The following DNAH9 variants were observed in gnomAD, a reference collection of about 807,000 sequenced individuals.
DNAH9 encodes the protein dynein axonemal heavy chain 9, also known as DNAH9 variant protein.
DNAH9 carries 345 observed loss-of-function variants against 471.6 expected under a neutral mutation model. The observed-to-expected ratio is 0.73, with a 90% CI of 0.67 to 0.80. The LOEUF (loss-of-function observed/expected upper bound fraction) is 0.80. DNAH9 is among the 30% of genes least tolerant of loss of function. The pLI is 0.00. For missense variants in DNAH9, 5,407 were observed against 5,609.2 expected (o/e 0.96, Z 1.15); for synonymous variants, 2,093 against 2,123.6 (o/e 0.99, Z 0.40).
chr17:11,849,099 G>A (rs796215196), intron 49 of DNAH9, among the ~76,000 whole-genome samples: 16 of 152,294 alleles, frequency 1.1e-4, no homozygotes, highest in African/African-American at 3.9e-4. Context: ...GCCTCCCAAA[G>A]TGCTGGCATT....
intron 45 of DNAH9, among the ~76,000 whole-genome samples, chr17:11,816,768 A>AATAGTCTGGCTTCCAAACT (rs1970114809): frequency 6.6e-6 from 1 of 152,248 alleles, no homozygotes; most frequent in South Asian, 2.1e-4. Context: ...GAAGATGGTG[A>AATAGTCTGGCTTCCAAACT]ATAGTCTGGC....
At chr17:11,724,229 A>C (rs571585910) in intron 27 of DNAH9, among the ~76,000 whole-genome samples, 1 of 152,268 alleles carries the variant, frequency 6.6e-6, no homozygotes, top group Non-Finnish European at 1.5e-5. Flanking sequence ...TTTGAAATAT[A>C]AAATAAATGA....
intron 6 of DNAH9, among the ~76,000 whole-genome samples, chr17:11,622,769 C>A (rs1254591062): frequency 6.6e-6 from 1 of 152,172 alleles, no homozygotes; most frequent in Admixed American, 6.5e-5. Context: ...TAAGTCCTTT[C>A]TCAGGCTGCT....
chr17:11,820,558 A>G (rs934349713), intron 45 of DNAH9, among the ~76,000 whole-genome samples: 1 of 152,192 alleles, frequency 6.6e-6, no homozygotes, highest in Admixed American at 6.5e-5. Context: ...TGAAGCATCT[A>G]TTAATATATT....
chr17:11,918,238 TTGTTTTG>T lies in DNAH9; in HGVS notation c.11750-5574_11750-5568del, dbSNP rs1435132160. Among the ~76,000 whole-genome samples the T allele has an allele frequency of 4.0e-3, 579 of 144,436 alleles. 7 individuals carry two copies. Among genetic ancestry groups the T allele is most frequent in the African/African-American group, 0.014 (539 of 38,790 alleles). The allele number at this position is 144,436 out of a possible 152,430, so 94.8% of individuals were successfully genotyped here. Reference sequence around the variant, plus strand: ...TTGTTTTGTTTTGTTTTGTTTTGTTTTGTTTTGTTTTGAGACAGGCTCTCACTGTGTT... The same window carrying T: ...TTGTTTTGTTTTGTTTTGTTTTGTTTTTTTGAGACAGGCTCTCACTGTGTT... On this transcript the variant is annotated intron_variant, in intron 61 of 68. Coordinates refer to ENST00000262442, the MANE Select transcript of DNAH9 (RefSeq NM_001372.4).
At chr17:11,920,631 A>G (rs12451386) in intron 61 of DNAH9, among the ~76,000 whole-genome samples, 11 of 148,448 alleles carry the variant, frequency 7.4e-5, no homozygotes, top group South Asian at 4.2e-4. Context: ...AAAAAAAAAA[A>G]AAAAGAAAAG....
At chr17:11,903,175 C>T (rs1391443671) in intron 60 of DNAH9, among the ~76,000 whole-genome samples, 1 of 152,080 alleles carries the variant, frequency 6.6e-6, no homozygotes, top group Non-Finnish European at 1.5e-5. Context: ...CCCGTCTCTA[C>T]TGAAAATACA....
intron 67 of DNAH9, among the ~76,000 whole-genome samples, chr17:11,954,791 GAGAGAA>G (rs1975556223): frequency 1.9e-5 from 2 of 102,644 alleles, no homozygotes; most frequent in Non-Finnish European, 4.4e-5. Context: ...AAAAAAAAGA[GAGAGAA>G]AGAAATTTCT....
intron 62 of DNAH9, 33 bp downstream of exon 62, chr17:11,923,974 G>T: frequency 1.2e-6 from 2 of 1,608,096 alleles, no homozygotes; most frequent in South Asian, 2.2e-5. Context: ...GGGTTATCTT[G>T]ACCCATACTT....
intron 14 of DNAH9, among the ~76,000 whole-genome samples, chr17:11,663,008 G>A (rs561938698): frequency 6.6e-6 from 1 of 151,696 alleles, no homozygotes; most frequent in East Asian, 2.0e-4. Context: ...GCCCGCCTCG[G>A]CCTCCCAAAG....
At chr17:11,841,978 T>G (rs1567840599) in intron 49 of DNAH9, among the ~76,000 whole-genome samples, 2 of 151,730 alleles carry the variant, frequency 1.3e-5, no homozygotes, top group Non-Finnish European at 2.9e-5. Context: ...TTTCCTTCCT[T>G]CCTTTCTTTT....
chr17:11,768,872 G>A (rs1968080624), intron 37 of DNAH9, among the ~76,000 whole-genome samples: 1 of 152,142 alleles, frequency 6.6e-6, no homozygotes, highest in Non-Finnish European at 1.5e-5. Flanking sequence ...GCATTAGAGA[G>A]GCCACAGAGA....
At chr17:11,904,630 CAAAAAAAAAAA>C (rs202059757) in intron 60 of DNAH9, among the ~76,000 whole-genome samples, 2 of 111,490 alleles carry the variant, frequency 1.8e-5, no homozygotes, top group Non-Finnish European at 3.3e-5. Context: ...GACTCCATCT[CAAAAAAAAAAA>C]AAAAAAAAAA....
intron 65 of DNAH9, among the ~76,000 whole-genome samples, chr17:11,935,934 CA>C (rs1974698592): frequency 6.6e-6 from 1 of 152,086 alleles, no homozygotes; most frequent in South Asian, 2.1e-4. Context: ...TCACCAAAGG[CA>C]AAAAGGCTTT....
chr17:11,783,356 T>G (rs1367159865), intron 39 of DNAH9, among the ~76,000 whole-genome samples: 1 of 152,200 alleles, frequency 6.6e-6, no homozygotes, highest in Non-Finnish European at 1.5e-5. Context: ...CACTCTCTTC[T>G]TTTGAGAACA....
chr17:11,842,883 C>T lies in DNAH9; in HGVS notation c.9507+7985C>T, dbSNP rs548070092. On this transcript the variant is annotated intron_variant, in intron 49 of 68. Transcript: ENST00000262442. ...ACACCCTCACAGACACACCCAGGAA[C>T]AATACTTTGCACCCTTCAATCCAAT... 3.6e-4 allele frequency among the ~76,000 whole-genome samples: 55 copies of T among 152,320 alleles called. No individual in the cohort carries two copies. In the South Asian group the frequency reaches 9.7e-3, roughly 27 times the overall value.
Position 11,769,264 on chromosome 17 carries a change from A to G in DNAH9, c.7487A>G (p.Asp2496Gly), listed in dbSNP as rs1968100417. The G allele has an allele frequency of 1.2e-6, 2 of 1,613,780 alleles. No homozygotes were observed. Among genetic ancestry groups the G allele is most frequent in the Non-Finnish European group, 1.7e-6 (2 of 1,179,986 alleles). Residue 2496 changes from aspartate to glycine, a missense_variant, in exon 38 of 69, where the codon GAC becomes GGC. Physicochemically the swap from Asp to Gly is moderately conservative, Grantham distance 94 (BLOSUM62 -1). Around this residue, in one of 3 missense-constraint regions of DNAH9, gnomAD observed 4,636 missense variants for 4,900.3 expected, o/e 0.95. Transcript: ENST00000262442. ...GTGGGAGCTAAGCTGGCCAGCCTTG[A>G]CCCCGAGGCATACCTGGTGAAAAAC... ...VLVGAKLASL[D>G]PEAYLVKNVP...
At chr17:11,655,411 A>G (rs2073620291) in intron 14 of DNAH9, among the ~76,000 whole-genome samples, 1 of 151,596 alleles carries the variant, frequency 6.6e-6, no homozygotes, top group Non-Finnish European at 1.5e-5. Context: ...ATAAAAATTT[A>G]GAGAAAAAGA....
At position 11,652,354 on chromosome 17, in the gene DNAH9, C is replaced by T. The variant is rs369509399; in HGVS notation, c.2354-407C>T. Reference sequence around the variant, plus strand: ...AGGCTGGAGTGCAGTGGCACAATCTCGGCTCACTGCAAGCTCTGCCTCCCG... The same window carrying T: ...AGGCTGGAGTGCAGTGGCACAATCTTGGCTCACTGCAAGCTCTGCCTCCCG... On this transcript the variant is annotated intron_variant, in intron 13 of 68. Transcript: ENST00000262442. Among the ~76,000 whole-genome samples the T allele has an allele frequency of 5.3e-5, 7 of 131,182 alleles. No homozygotes were observed. In the East Asian group the frequency reaches 1.2e-3, roughly 22 times the overall value. The allele number at this position is 131,182 out of a possible 152,430, so 86.1% of individuals were successfully genotyped here.
Sources: allele counts gnomAD v4.1 joint callset (sites outside exome capture counted in the v4.1 genomes callset), GRCh38; gene constraint gnomAD v4.1.1; regional missense constraint gnomAD v4.1.1; transcripts MANE v1.5; gene names NCBI Gene and HGNC (gene_info 2026-07-23, HGNC 2026-07-21).